TET3: variants seen among roughly 807,000 people sequenced by gnomAD.
TET3 encodes methylcytosine dioxygenase TET3.
Under a neutral mutation model 141.4 loss-of-function variants are expected in TET3, and 19 were observed. The ratio of observed to expected loss-of-function variants is 0.13; its 90% confidence interval spans 0.09 to 0.20. The LOEUF (loss-of-function observed/expected upper bound fraction) is 0.20, where lower values mean the gene tolerates loss of function less well. Ranked by LOEUF, TET3 falls within the 10% of genes least tolerant of loss-of-function variation. TET3 has a pLI of 1.00. For missense variants in TET3, 1,874 were observed against 2,356.9 expected (o/e 0.80, Z 4.24); for synonymous variants, 1,043 against 980.9 (o/e 1.06, Z -1.18).
At chr2:74,027,951 T>G (rs1686464467) in intron 3 of TET3, among the ~76,000 whole-genome samples, 1 of 152,170 alleles carries the variant, frequency 6.6e-6, no homozygotes, top group African/African-American at 2.4e-5. Flanking sequence ...TATATGTATA[T>G]GATTTATAAA....
At chr2:74,062,205 G>T (rs1259252619) in intron 4 of TET3, among the ~76,000 whole-genome samples, 1 of 152,126 alleles carries the variant, frequency 6.6e-6, no homozygotes, top group Non-Finnish European at 1.5e-5. Flanking sequence ...GATCACTCGC[G>T]GTTAGGAGCT....
At chr2:73,990,466 T>G (rs996613882) in intron 2 of TET3, among the ~76,000 whole-genome samples, 2 of 152,134 alleles carry the variant, frequency 1.3e-5, no homozygotes, top group Admixed American at 1.3e-4. Context: ...TGCCAGCCTC[T>G]GTGCTGGGGG....
At position 74,048,026 on chromosome 2, in the gene TET3, C is replaced by A; in HGVS notation, c.2109C>A (p.Ala703=). ...QPGSTGPLPP[A]DDKLEELIRQ... ...GCTCCACTGGCCCTCTTCCCCCTGC[C>A]GATGACAAGCTGGAAGAGCTCATCC... The change falls in exon 4 of 12, where the codon GCC becomes GCA. Residue 703 remains alanine, a synonymous_variant. Coordinates refer to ENST00000409262, the MANE Select transcript of TET3 (RefSeq NM_001287491.2). The A allele has an allele frequency of 1.2e-6, 2 of 1,609,162 alleles. No homozygotes were observed. Among genetic ancestry groups the A allele is most frequent in the East Asian group, 2.2e-5 (1 of 44,868 alleles).
intron 3 of TET3, among the ~76,000 whole-genome samples, chr2:74,014,828 T>C (rs552075405): frequency 2.5e-4 from 38 of 152,132 alleles, no homozygotes; most frequent in South Asian, 4.1e-4. Context: ...TATGGTCCAG[T>C]TGGGATCCTT....
At chr2:74,019,598 C>T (rs964672577) in intron 3 of TET3, among the ~76,000 whole-genome samples, 6 of 152,152 alleles carry the variant, frequency 3.9e-5, no homozygotes, top group Admixed American at 6.5e-5. Flanking sequence ...GCCTAGCATG[C>T]GGTAAATCCT....
At chr2:74,037,889 A>G (rs1244647392) in intron 3 of TET3, among the ~76,000 whole-genome samples, 1 of 152,142 alleles carries the variant, frequency 6.6e-6, no homozygotes. Flanking sequence ...GTAAGGAAGG[A>G]TTTGGGAAAC....
At chr2:74,071,537 A>C (rs1212499119) in intron 4 of TET3, among the ~76,000 whole-genome samples, 1 of 152,176 alleles carries the variant, frequency 6.6e-6, no homozygotes, top group African/African-American at 2.4e-5. Context: ...TATACCCTTT[A>C]TATACTTTCT....
chr2:74,085,607 A>G (rs2104038027), intron 6 of TET3, among the ~76,000 whole-genome samples: 1 of 148,868 alleles, frequency 6.7e-6, no homozygotes, highest in East Asian at 1.9e-4. Context: ...AAAGGAGTGC[A>G]CAACCTAGTT....
rs1685842311 is a variant in TET3 at position 74,018,265 on chromosome 2, C to CT, written c.360+15099_360+15100insT. Among the ~76,000 whole-genome samples, 2 of 152,044 alleles carry CT rather than the reference C, an allele frequency of 1.3e-5. 1 individual carries two copies. The highest frequency in any genetic ancestry group is 4.1e-4 in the South Asian group (2 of 4,832). ...TACAGGTGTGAGCCACCGTGCCTGG[C>CT]CTTCTTCTGTCATCTTAAGTGAGAA... is the stretch of plus-strand genomic sequence containing the variant. On this transcript the variant is annotated intron_variant, in intron 3 of 11. Coordinates refer to ENST00000409262, the MANE Select transcript of TET3 (RefSeq NM_001287491.2).
chr2:74,099,988 G>A (rs761598654), intron 11 of TET3, among the ~76,000 whole-genome samples: 7 of 152,180 alleles, frequency 4.6e-5, no homozygotes, highest in East Asian at 1.9e-4. Flanking sequence ...GGGCGGAGAC[G>A]GTTGCTGGCA....
chr2:74,015,071 TC>T (rs747680578), intron 3 of TET3, among the ~76,000 whole-genome samples: 9 of 152,178 alleles, frequency 5.9e-5, no homozygotes, highest in Non-Finnish European at 1.2e-4. Context: ...GCCCTCTGTG[TC>T]CCAGTCTGAA....
intron 2 of TET3, among the ~76,000 whole-genome samples, chr2:73,995,111 C>T (rs1684527117): frequency 6.6e-6 from 1 of 152,146 alleles, no homozygotes; most frequent in South Asian, 2.1e-4. Flanking sequence ...AGGCATACAC[C>T]ACCACGTCTG....
intron 3 of TET3, among the ~76,000 whole-genome samples, chr2:74,034,585 A>AC (rs1190922012): frequency 3.3e-5 from 5 of 152,088 alleles, no homozygotes; most frequent in East Asian, 1.9e-4. Context: ...TAAAAAAAAA[A>AC]AAAAAAAAAC....
At chr2:74,119,875 G>A in the TET3 span, among the ~76,000 whole-genome samples, 2 of 152,158 alleles carry the variant, frequency 1.3e-5, no homozygotes, top group African/African-American at 4.8e-5. Flanking sequence ...GTGGTAATAT[G>A]AACCCATGGA....
At chr2:74,123,716 G>A in the TET3 span, among the ~76,000 whole-genome samples, 6 of 151,116 alleles carry the variant, frequency 4.0e-5, no homozygotes, top group Admixed American at 2.0e-4. Flanking sequence ...CTGCCTGGCC[G>A]CCCATCGTCA....
At chr2:74,010,156 C>T (rs1022845703) in intron 3 of TET3, among the ~76,000 whole-genome samples, 21 of 152,222 alleles carry the variant, frequency 1.4e-4, no homozygotes, top group African/African-American at 4.8e-4. Context: ...GTTGGAGCGG[C>T]GTGTGTCTTA....
intron 3 of TET3, among the ~76,000 whole-genome samples, chr2:74,027,075 T>A (rs550437103): frequency 6.6e-6 from 1 of 152,244 alleles, no homozygotes; most frequent in South Asian, 2.1e-4. Flanking sequence ...AGTAGGGAAA[T>A]AAAAGGAGAG....
rs1691264770 is a variant in TET3, at chr2:74,102,206, G to A, written c.*30G>A. ...CAGGGAGCCAGCGTACCTCAGCGTC[G>A]GGCCTGGCCCGAGCTGTCTCTGTGG... On this transcript the variant is annotated 3_prime_UTR_variant, in exon 12 of 12. Transcript: ENST00000409262. 1.4e-6 allele frequency: 2 copies of A among 1,421,144 alleles called. No individual in the cohort carries two copies. The highest frequency in any genetic ancestry group is 1.8e-6 in the Non-Finnish European group (2 of 1,085,506). The allele number at this position is 1,421,144 out of a possible 1,614,324, so 88.0% of individuals were successfully genotyped here.
At chr2:74,062,025 C>T (rs1036363562) in intron 4 of TET3, among the ~76,000 whole-genome samples, 1 of 151,966 alleles carries the variant, frequency 6.6e-6, no homozygotes, top group Non-Finnish European at 1.5e-5. Context: ...GGGTGGCGGC[C>T]GGGCAGAGGC....
Sources: gnomAD v4.1 joint callset for allele counts (sites outside exome capture counted in the v4.1 genomes callset) on GRCh38, gnomAD v4.1.1 for gene constraint, MANE v1.5 for transcripts, NCBI Gene and HGNC (gene_info 2026-07-23, HGNC 2026-07-21) for gene names.